The following HNRNPA1 variants were observed in gnomAD, a reference collection of about 807,000 sequenced individuals.
HNRNPA1 encodes the protein epididymis secretory sperm binding protein.
In HNRNPA1, 7 loss-of-function variants were observed where a neutral mutation model predicts 44.4. That is an observed-to-expected ratio of 0.16 (90% confidence interval 0.09 to 0.30). The LOEUF is 0.30. Among genes scored for constraint, HNRNPA1 ranks in the 10% least tolerant of loss-of-function variants. The pLI is 1.00. For missense variants in HNRNPA1, 193 were observed against 465.8 expected (o/e 0.41, Z 5.39); for synonymous variants, 169 against 160.6 (o/e 1.05, Z -0.40).
At chr12:54,280,907 C>G (rs1473129222) in intron 1 of HNRNPA1, 85 bp downstream of exon 1, 2 of 1,437,624 alleles carry the variant, frequency 1.4e-6, no homozygotes, top group African/African-American at 1.4e-5. Flanking sequence ...GTTCCTTGCA[C>G]CAGCCCATTC....
At position 54,285,304 on chromosome 12, in the gene HNRNPA1, TC is replaced by T. The variant is rs1944246919; in HGVS notation, c.*765del. ...AGAGATTTGGACTTTCCCTACCCAC[TC>T]CCCCTGATAATAATGTTGAATGCTT... On this transcript the variant is annotated 3_prime_UTR_variant, in exon 11 of 11. Transcript: ENST00000340913. 1 of 152,212 alleles carries T rather than the reference TC, an allele frequency of 6.6e-6. No homozygotes were observed. Among genetic ancestry groups the T allele is most frequent in the African/African-American group, 2.4e-5 (1 of 41,444 alleles). The allele number at this position is 152,212 out of a possible 1,614,324, so 9.4% of individuals were successfully genotyped here.
Position 54,285,417 on chromosome 12 carries a change from G to A in HNRNPA1, c.*873G>A, listed in dbSNP as rs1254740768. On this transcript the variant is annotated 3_prime_UTR_variant, in exon 11 of 11. Transcript: ENST00000340913. ...CTCCATAAATCCGCAGATTTGAAGT[G>A]TCTGGGAGGCCTTTTAAAAATAACT... 6.6e-6 allele frequency: 1 copy of A among 152,228 alleles called. No homozygotes were observed. Among genetic ancestry groups the A allele is most frequent in the Non-Finnish European group, 1.5e-5 (1 of 68,048 alleles). The allele number at this position is 152,228 out of a possible 1,614,324, so 9.4% of individuals were successfully genotyped here.
chr12:54,282,125 A>G lies in HNRNPA1; in HGVS notation c.315A>G (p.Lys105=). The part of the protein sequence containing the change: ...SQRPGAHLTV[K]KIFVGGIKED... ...GACCAGGTGCCCACTTAACTGTGAA[A>G]AAGATATTTGTTGGTGGCATTAAAG... The change falls in exon 4 of 11, where the codon AAA becomes AAG. Residue 105 remains lysine, a synonymous_variant. Coordinates refer to ENST00000340913, the MANE Select transcript of HNRNPA1 (RefSeq NM_031157.4). 1 of 1,609,650 alleles carries G rather than the reference A, an allele frequency of 6.2e-7. No homozygotes were observed. The highest frequency in any genetic ancestry group is 8.5e-7 in the Non-Finnish European group (1 of 1,177,750).
In HNRNPA1 at chr12:54,281,397, G is replaced by T; in HGVS notation, c.27G>T (p.Glu9Asp). Residue 9 changes from glutamate (E) to aspartate (D), a missense_variant, in exon 2 of 11, where the codon GAG becomes GAT. Transcript: ENST00000340913. MSKSESPKEPEQLRKLFIG... is the reference protein window; with the variant it reads MSKSESPKDPEQLRKLFIG... ...TCCCCCCACTCTAGTCTCCTAAAGA[G>T]CCCGAACAGCTGAGGAAGCTCTTCA... 2 of 1,585,878 alleles carry T rather than the reference G, an allele frequency of 1.3e-6. No individual in the cohort carries two copies. Among genetic ancestry groups the T allele is most frequent in the South Asian group, 1.1e-5 (1 of 89,700 alleles).
In HNRNPA1 at chr12:54,281,086, C is replaced by T. The variant is rs1460966484; in HGVS notation, c.15+264C>T. 1.4e-5 allele frequency: 10 copies of T among 701,914 alleles called. No homozygotes were observed. The East Asian group carries it at 2.4e-4, about 17-fold the overall frequency. 43.5% of individuals were successfully genotyped at this position (701,914 alleles called of 1,614,324 possible). A position where few individuals can be genotyped will look rare whatever the true frequency, so the allele number is the denominator to read the frequency against. The stretch of plus-strand genomic sequence containing the variant: ...ACAGGATCTTTGTCTTTTTTTAAAC[C>T]TTGCCTTGGTGAGCGAGTTTTCTAA... On this transcript the variant is annotated intron_variant, in intron 1 of 10. Coordinates refer to ENST00000340913, the MANE Select transcript of HNRNPA1 (RefSeq NM_031157.4).
In HNRNPA1 at chr12:54,283,060, A is replaced by G. The variant is rs1473620455; in HGVS notation, c.752-19A>G. 1.9e-6 allele frequency: 3 copies of G among 1,611,002 alleles called. No homozygotes were observed. The highest frequency in any genetic ancestry group is 2.2e-5 in the East Asian group (1 of 44,884). On this transcript the variant is annotated intron_variant, in intron 7 of 10. Coordinates refer to ENST00000340913, the MANE Select transcript of HNRNPA1 (RefSeq NM_031157.4). The stretch of plus-strand genomic sequence containing the variant: ...TGTCAAATACTTTTGTCTTATTGAG[A>G]AGAATTGTATTCTTGTAGGTGGTTA...
chr12:54,284,127 T>G lies in HNRNPA1; in HGVS notation c.1064-131T>G, dbSNP rs112702081. On this transcript the variant is annotated intron_variant, in intron 9 of 10. Transcript: ENST00000340913. Reference sequence around the variant, plus strand: ...CACAAATTAGAAAAATCATGGGACCTCTTTACCACCTCCCTTGTAGTAGGG... The same window carrying G: ...CACAAATTAGAAAAATCATGGGACCGCTTTACCACCTCCCTTGTAGTAGGG... 836 of 1,245,104 alleles carry G rather than the reference T, an allele frequency of 6.7e-4. 6 individuals are homozygous for G. In the African/African-American group the frequency reaches 0.011, roughly 17 times the overall value. 77.1% of individuals were successfully genotyped at this position (1,245,104 alleles called of 1,614,324 possible).
At position 54,285,751 on chromosome 12, in the gene HNRNPA1, C is replaced by CTTACCTTTGGTGCTCTCTCA. The variant is rs1944254824; in HGVS notation, c.*1208_*1227dup. The CTTACCTTTGGTGCTCTCTCA allele has an allele frequency of 1.3e-5, 2 of 151,978 alleles. No homozygotes were observed. Among genetic ancestry groups the CTTACCTTTGGTGCTCTCTCA allele is most frequent in the Admixed American group, 1.3e-4 (2 of 15,236 alleles). The allele number at this position is 151,978 out of a possible 1,614,324, so 9.4% of individuals were successfully genotyped here. ...TATTTGTACATAGATTCTTTTGAGC[C>CTTACCTTTGGTGCTCTCTCA]TTACCTTTGGTGCTCTCTCAATTTC... On this transcript the variant is annotated 3_prime_UTR_variant, in exon 11 of 11. Transcript: ENST00000340913.
At position 54,286,893 on chromosome 12, in the gene HNRNPA1, CTG is replaced by C. The variant is rs1045411076; in HGVS notation, c.*2353_*2354del. ...TTCCCAGTAGTGACAGTGGATATAACTGTGTAGTCATTCACCTCTGCTTATAT... is the reference window on the plus strand; with the variant it reads ...TTCCCAGTAGTGACAGTGGATATAACTGTAGTCATTCACCTCTGCTTATAT... On this transcript the variant is annotated 3_prime_UTR_variant, in exon 11 of 11. Transcript: ENST00000340913. The C allele has an allele frequency of 2.0e-4, 30 of 152,314 alleles. No homozygotes were observed. Among genetic ancestry groups the C allele is most frequent in the Non-Finnish European group, 2.6e-4 (18 of 68,034 alleles). The allele number at this position is 152,314 out of a possible 1,614,324, so 9.4% of individuals were successfully genotyped here.
At position 54,284,145 on chromosome 12, in the gene HNRNPA1, T is replaced by C. The variant is rs1944227344; in HGVS notation, c.1064-113T>C. The C allele has an allele frequency of 3.1e-5, 39 of 1,275,700 alleles. No individual in the cohort carries two copies. In the South Asian group the frequency reaches 4.9e-4, roughly 16 times the overall value. 79.0% of individuals were successfully genotyped at this position (1,275,700 alleles called of 1,614,324 possible). On this transcript the variant is annotated intron_variant, in intron 9 of 10. Transcript: ENST00000340913. Reference sequence around the variant, plus strand: ...TGGGACCTCTTTACCACCTCCCTTGTAGTAGGGCCATTTTTAAATGGCCAG... The same window carrying C: ...TGGGACCTCTTTACCACCTCCCTTGCAGTAGGGCCATTTTTAAATGGCCAG...
At position 54,281,329 on chromosome 12, in the gene HNRNPA1, G is replaced by A. The variant is rs2071391; in HGVS notation, c.16-57G>A. 159,774 of 959,644 alleles carry A rather than the reference G, an allele frequency of 0.17. 16,305 individuals carry two copies. Among genetic ancestry groups the A allele is most frequent in the East Asian group, 0.45 (18,637 of 41,872 alleles). 59.4% of individuals were successfully genotyped at this position (959,644 alleles called of 1,614,324 possible). A position where few individuals can be genotyped will look rare whatever the true frequency, so the allele number is the denominator to read the frequency against. On this transcript the variant is annotated intron_variant, in intron 1 of 10. Transcript: ENST00000340913. ...TTGGTGTCTAGTTTTTCTTTTCCTC[G>A]ATGGAAATTGTTTCGTGTTGTAGCC...
Position 54,283,167 on chromosome 12 carries a change from C to T in HNRNPA1, c.840C>T (p.Gly280=). The T allele has an allele frequency of 6.2e-7, 1 of 1,611,468 alleles. No homozygotes were observed. The highest frequency in any genetic ancestry group is 8.5e-7 in the Non-Finnish European group (1 of 1,178,768). ...AGGGTTATGGAAACCAGGGCAGTGGCTATGGCGGGAGTGGCAGCTATGACA... is the reference window on the plus strand; with the variant it reads ...AGGGTTATGGAAACCAGGGCAGTGGTTATGGCGGGAGTGGCAGCTATGACA... ...GGQGYGNQGS[G]YGGSGSYDSY... The change falls in exon 8 of 11, where the codon GGC becomes GGT. Residue 280 remains glycine (G), a synonymous_variant. Transcript: ENST00000340913.
chr12:54,281,951 T>C lies in HNRNPA1; in HGVS notation c.279+10T>C, dbSNP rs778142236. On this transcript the variant is annotated intron_variant, in intron 3 of 10. Transcript: ENST00000340913. ...AGCTGTCTCCAGAGAAGTGAGTGGG[T>C]TTTTTTTCTTCTTCTTCTTAAACTT... 1 of 1,611,412 alleles carries C rather than the reference T, an allele frequency of 6.2e-7. No individual in the cohort carries two copies. Among genetic ancestry groups the C allele is most frequent in the South Asian group, 1.1e-5 (1 of 90,978 alleles).
Position 54,280,732 on chromosome 12 carries a change from G to A in HNRNPA1, c.-76G>A, listed in dbSNP as rs1489395861. 5 of 1,556,928 alleles carry A rather than the reference G, an allele frequency of 3.2e-6. No individual in the cohort carries two copies. Among genetic ancestry groups the A allele is most frequent in the Non-Finnish European group, 3.5e-6 (4 of 1,128,342 alleles). On this transcript the variant is annotated 5_prime_UTR_variant, in exon 1 of 11. Transcript: ENST00000340913. ...AGGGCGAAGGTAGGCTGGCAGATAC[G>A]TTCGTCAGCTTGCTCCTTTCTGCCC...
In HNRNPA1 at chr12:54,286,759, C is replaced by T. The variant is rs111253751; in HGVS notation, c.*2215C>T. The T allele has an allele frequency of 3.9e-5, 6 of 152,204 alleles. No individual in the cohort carries two copies. The highest frequency in any genetic ancestry group is 1.4e-4 in the African/African-American group (6 of 41,446). 9.4% of individuals were successfully genotyped at this position (152,204 alleles called of 1,614,324 possible). On this transcript the variant is annotated 3_prime_UTR_variant, in exon 11 of 11. Transcript: ENST00000340913. ...TAAGTTTTTACAAATTAGTGCTCAG[C>T]AAAAGAATGCCCTGCGTTCCCAAAG...
chr12:54,281,203 C>T, intron 1 of HNRNPA1, 183 bp from the exon 2 acceptor site: 2 of 698,930 alleles, frequency 2.9e-6, no homozygotes, highest in East Asian at 2.6e-5. Flanking sequence ...CATGCGCTTG[C>T]GATTTCCTAG....
In HNRNPA1 at chr12:54,283,187, A is replaced by G; in HGVS notation, c.860A>G (p.Tyr287Cys). ...AGTGGCTATGGCGGGAGTGGCAGCT[A>G]TGACAGCTATAACAACGGAGGCGGA... ...QGSGYGGSGS[Y>C]DSYNNGGGGG... Residue 287 changes from tyrosine to cysteine, a missense_variant, in exon 8 of 11, where the codon TAT becomes TGT. Physicochemically the swap from Tyr to Cys is radical, Grantham distance 194. Transcript: ENST00000340913. 1 of 1,608,914 alleles carries G rather than the reference A, an allele frequency of 6.2e-7. No individual in the cohort carries two copies.
Position 54,282,171 on chromosome 12 carries a change from C to G in HNRNPA1, c.361C>G (p.Leu121Val), listed in dbSNP as rs955297961. The G allele has an allele frequency of 1.3e-6, 2 of 1,599,902 alleles. No individual in the cohort carries two copies. Among genetic ancestry groups the G allele is most frequent in the Admixed American group, 1.7e-5 (1 of 59,996 alleles). ...GIKEDTEEHHLRDYFEQYGKI... is the reference protein window; with the variant it reads ...GIKEDTEEHHVRDYFEQYGKI... ...TAAAGAAGACACTGAAGAACATCAC[C>G]TAAGAGATTATTTTGAACAGTATGG... Residue 121 changes from leucine to valine, a missense_variant, in exon 4 of 11, where the codon CTA becomes GTA. By Grantham distance (32) the Leu-to-Val change is conservative. Around this residue, in one of 2 missense-constraint regions of HNRNPA1, gnomAD observed 57 missense variants for 231.3 expected, o/e 0.25. Transcript: ENST00000340913.
rs1025769835 is a variant in HNRNPA1, at chr12:54,285,676, G to A, written c.*1132G>A. The stretch of plus-strand genomic sequence containing the variant: ...ACACAACCTACCTAAAATGTTAATT[G>A]TATAGAAAATGATTTCTAAACCTTT... On this transcript the variant is annotated 3_prime_UTR_variant, in exon 11 of 11. Coordinates refer to ENST00000340913, the MANE Select transcript of HNRNPA1 (RefSeq NM_031157.4). 6 of 152,092 alleles carry A rather than the reference G, an allele frequency of 3.9e-5. No individual in the cohort carries two copies. The highest frequency in any genetic ancestry group is 1.5e-5 in the Non-Finnish European group (1 of 68,028). 9.4% of individuals were successfully genotyped at this position (152,092 alleles called of 1,614,324 possible).
Sources: gnomAD v4.1 joint callset for allele counts on GRCh38, gnomAD v4.1.1 for gene constraint, gnomAD v4.1.1 regional missense constraint, MANE v1.5 for transcripts, NCBI Gene and HGNC (gene_info 2026-07-23, HGNC 2026-07-21) for gene names.